The following TEX36 variants were observed in gnomAD, a reference collection of about 807,000 sequenced individuals.
TEX36 encodes the protein testis expressed 36.
In TEX36, 12 loss-of-function variants were observed where a neutral mutation model predicts 13.6. The observed-to-expected ratio is 0.88, with a 90% confidence interval of 0.56 to 1.43. The LOEUF (loss-of-function observed/expected upper bound fraction) is 1.43, where lower values mean the gene tolerates loss of function less well. Among genes scored for constraint, TEX36 ranks in the 40% most tolerant of loss-of-function variants. The probability of loss-of-function intolerance (pLI) is 0.00; values close to 1 mark genes in which losing one functional copy is unlikely to be tolerated. For synonymous variants in TEX36, 93 were observed against 83.0 expected, an observed-to-expected ratio of 1.12 and a Z score of -0.65; for missense variants, 224 against 228.3, an observed-to-expected ratio of 0.98 and a Z score of 0.12.
At chr10:125,620,502 C>T (rs1340863071), downstream of TEX36, among the ~76,000 whole-genome samples, 3 of 152,170 alleles carry the variant, frequency 2.0e-5, no homozygotes, top group Non-Finnish European at 4.4e-5. Flanking sequence ...ATTTGTCAGA[C>T]CATGGCAAAC....
chr10:125,630,711 CA>C (rs1232854100), intron 3 of TEX36, among the ~76,000 whole-genome samples: 2 of 152,142 alleles, frequency 1.3e-5, no homozygotes, highest in Non-Finnish European at 2.9e-5. Context: ...AGGGGGATGG[CA>C]CCCGGTCCTA....
intron 3 of TEX36, among the ~76,000 whole-genome samples, chr10:125,605,115 T>C (rs1846199220): frequency 1.3e-5 from 2 of 152,164 alleles, no homozygotes; most frequent in African/African-American, 4.8e-5. Context: ...TGCTCTCTGG[T>C]ACAGGGGAGA....
intron 1 of TEX36, among the ~76,000 whole-genome samples, chr10:125,673,730 AAAAG>A (rs1340842545): frequency 1.9e-4 from 29 of 149,696 alleles, no homozygotes; most frequent in African/African-American, 6.6e-4. Flanking sequence ...AAAAAAAAAA[AAAAG>A]GTTGAATATT....
intron 3 of TEX36, among the ~76,000 whole-genome samples, chr10:125,603,602 G>T (rs1846177070): frequency 6.6e-6 from 1 of 152,210 alleles, no homozygotes; most frequent in Non-Finnish European, 1.5e-5. Context: ...AAATCTGGGG[G>T]CAGGCTAAGC....
Position 125,683,080 on chromosome 10 carries a change from A to C in TEX36, c.-91T>G. The C allele has an allele frequency of 1.4e-6, 2 of 1,385,418 alleles. No individual in the cohort carries two copies. Among genetic ancestry groups the C allele is most frequent in the Non-Finnish European group, 2.0e-6 (2 of 995,566 alleles). 85.8% of individuals were successfully genotyped at this position (1,385,418 alleles called of 1,614,324 possible). ...GGGAAGCTGCTTCCTAAACTTCATA[A>C]GCTCTACACGTCTGGGAAGCTCCTC... is the stretch of plus-strand genomic sequence containing the variant. On this transcript the variant is annotated 5_prime_UTR_variant, in exon 1 of 4. Transcript: ENST00000368821.
intron 3 of TEX36, among the ~76,000 whole-genome samples, chr10:125,633,789 T>C (rs1223149950): frequency 6.6e-6 from 1 of 152,194 alleles, no homozygotes; most frequent in Non-Finnish European, 1.5e-5. Flanking sequence ...ATCAGGAAAT[T>C]AAACTTTTTA....
intron 1 of TEX36, among the ~76,000 whole-genome samples, chr10:125,669,790 T>C (rs59455210): frequency 0.064 from 9,718 of 152,212 alleles, 869 homozygotes; most frequent in African/African-American, 0.2. Flanking sequence ...GTTGTTTCCT[T>C]CCCTGTGTCC....
intron 3 of TEX36, among the ~76,000 whole-genome samples, chr10:125,606,000 A>G (rs567702218): frequency 1.1e-4 from 17 of 152,346 alleles, no homozygotes; most frequent in Admixed American, 5.2e-4. Flanking sequence ...TGATGCATTT[A>G]AGTCATTCAT....
At chr10:125,621,213 C>T (rs184810759), downstream of TEX36, among the ~76,000 whole-genome samples, 3 of 152,016 alleles carry the variant, frequency 2.0e-5, no homozygotes, top group Non-Finnish European at 4.4e-5. Flanking sequence ...TGGATATATA[C>T]CCAGGAGCGG....
intron 3 of TEX36, among the ~76,000 whole-genome samples, chr10:125,600,640 C>T (rs1322043163): frequency 1.3e-5 from 2 of 152,146 alleles, no homozygotes; most frequent in Non-Finnish European, 2.9e-5. Context: ...CTGAGGACCC[C>T]CAGTGATACC....
chr10:125,587,421 TAC>T (rs1201748624), intron 3 of TEX36, among the ~76,000 whole-genome samples: 1 of 152,234 alleles, frequency 6.6e-6, no homozygotes, highest in African/African-American at 2.4e-5. Context: ...TTAAAAAAGT[TAC>T]AGAGTAAAAA....
At chr10:125,642,203 C>T (rs531210656) in intron 3 of TEX36, among the ~76,000 whole-genome samples, 11 of 152,284 alleles carry the variant, frequency 7.2e-5, no homozygotes, top group African/African-American at 2.6e-4. Flanking sequence ...AGAAAATGCA[C>T]CTGGTGGAGA....
At chr10:125,624,149 G>T (rs1846458626) in intron 3 of TEX36, among the ~76,000 whole-genome samples, 1 of 152,162 alleles carries the variant, frequency 6.6e-6, no homozygotes, top group Non-Finnish European at 1.5e-5. Context: ...GCTCAGAAAG[G>T]CAAGTTAATC....
downstream of TEX36, among the ~76,000 whole-genome samples, chr10:125,651,431 C>T (rs537259839): frequency 1.4e-3 from 218 of 152,142 alleles, no homozygotes; most frequent in Non-Finnish European, 2.6e-3. Flanking sequence ...AAAAGGCCTT[C>T]GAGAAAATTC....
chr10:125,639,047 A>C (rs1322009085), intron 3 of TEX36, among the ~76,000 whole-genome samples: 8 of 152,242 alleles, frequency 5.3e-5, no homozygotes, highest in Admixed American at 2.0e-4. Flanking sequence ...TTTAGTAAAT[A>C]GTTTGTTTTC....
intron 1 of TEX36, among the ~76,000 whole-genome samples, chr10:125,669,686 A>G (rs1347810708): frequency 1.3e-5 from 2 of 152,202 alleles, no homozygotes; most frequent in Non-Finnish European, 2.9e-5. Flanking sequence ...TGCTGCACCT[A>G]TCAACCTGTC....
At chr10:125,595,736 C>T (rs1846074921) in intron 3 of TEX36, among the ~76,000 whole-genome samples, 1 of 152,188 alleles carries the variant, frequency 6.6e-6, no homozygotes. Flanking sequence ...TCAAATGCCA[C>T]CTCCTCAGAG....
Position 125,581,521 on chromosome 10 carries a change from G to C in TEX36, c.265-4647C>G, listed in dbSNP as rs185161335. Among the ~76,000 whole-genome samples the C allele has an allele frequency of 3.9e-5, 6 of 152,156 alleles. No individual in the cohort carries two copies. The East Asian group carries it at 1.2e-3, about 29-fold the overall frequency. ...CACTTTTCCCCCAGGTCCTTACAAG[G>C]ACTTTCTGGAAACACCTTTTAAGTA... On this transcript the variant is annotated intron_variant, in intron 3 of 3. Transcript: ENST00000532135.
At chr10:125,593,060 G>A (rs545897684) in intron 3 of TEX36, among the ~76,000 whole-genome samples, 13 of 152,322 alleles carry the variant, frequency 8.5e-5, no homozygotes, top group African/African-American at 2.9e-4. Flanking sequence ...ACTGGCCACT[G>A]GTGATGAAAT....
Sources: gnomAD v4.1 joint callset for allele counts (sites outside exome capture counted in the v4.1 genomes callset) on GRCh38, gnomAD v4.1.1 for gene constraint, MANE v1.5 for transcripts, NCBI Gene and HGNC (gene_info 2026-07-23, HGNC 2026-07-21) for gene names.